The following POU6F2 variants were observed in gnomAD, a reference collection of about 807,000 sequenced individuals.
POU6F2 encodes the protein POU domain, class 6, transcription factor 2.
POU6F2 carries 31 observed loss-of-function variants against 71.3 expected under a neutral mutation model. That is an observed-to-expected ratio of 0.43 (90% confidence interval 0.33 to 0.59). The LOEUF is 0.59. Ranked by LOEUF, POU6F2 falls within the 20% of genes least tolerant of loss-of-function variation. POU6F2 has a pLI of 0.04. For synonymous variants in POU6F2, 347 were observed against 355.7 expected, an observed-to-expected ratio of 0.98 and a Z score of 0.27; for missense variants, 783 against 856.8, an observed-to-expected ratio of 0.91 and a Z score of 1.07.
chr7:39,395,396 C>T (rs1012826336), intron 5 of POU6F2, among the ~76,000 whole-genome samples: 2 of 152,196 alleles, frequency 1.3e-5, no homozygotes, highest in Admixed American at 6.5e-5. Context: ...ACTGCCCTCA[C>T]AATCAACTCT....
In POU6F2 at chr7:39,327,968, T is replaced by TGG. The variant is rs1785550369; in HGVS notation, c.599-11673_599-11672dup. Among the ~76,000 whole-genome samples the TGG allele has an allele frequency of 2.6e-5, 4 of 152,274 alleles. No individual in the cohort carries two copies. In the South Asian group the frequency reaches 8.3e-4, roughly 32 times the overall value. On this transcript the variant is annotated intron_variant, in intron 4 of 9. Coordinates refer to ENST00000518318, the MANE Select transcript of POU6F2 (RefSeq NM_001370959.1). ...CAGAGTCTTGCTCTGTCGCCCAGGC[T>TGG]GGAGTGCAGTGGCATGATCTCAGCT...
intron 1 of POU6F2, among the ~76,000 whole-genome samples, chr7:39,084,252 T>C (rs36065581): frequency 0.24 from 35,757 of 152,110 alleles, 4,410 homozygotes; most frequent in South Asian, 0.38. Context: ...CCACTGAAAA[T>C]TACCTTGTTA....
chr7:39,101,357 G>T (rs985699271), intron 2 of POU6F2, among the ~76,000 whole-genome samples: 1 of 151,996 alleles, frequency 6.6e-6, no homozygotes, highest in Non-Finnish European at 1.5e-5. Flanking sequence ...TCATAAGCGT[G>T]AGCCGCCATG....
intron 5 of POU6F2, 39 bp downstream of exon 5, chr7:39,340,054 C>G: frequency 1.9e-6 from 3 of 1,553,780 alleles, no homozygotes; most frequent in Non-Finnish European, 1.7e-6. Flanking sequence ...CTAGGAGCAC[C>G]AAGGACCTTT....
At chr7:39,120,000 C>T (rs1413789830) in intron 2 of POU6F2, among the ~76,000 whole-genome samples, 1 of 152,160 alleles carries the variant, frequency 6.6e-6, no homozygotes, top group East Asian at 1.9e-4. Flanking sequence ...AAAATAAAAT[C>T]CAAGCCAAGT....
intron 2 of POU6F2, among the ~76,000 whole-genome samples, chr7:39,199,397 C>T (rs953772921): frequency 1.3e-5 from 2 of 152,212 alleles, no homozygotes; most frequent in South Asian, 4.1e-4. Flanking sequence ...CAATTCAAAA[C>T]TCTGTGCAAG....
At chr7:39,325,176 G>T (rs1376496093) in intron 4 of POU6F2, among the ~76,000 whole-genome samples, 1 of 152,104 alleles carries the variant, frequency 6.6e-6, no homozygotes, top group Non-Finnish European at 1.5e-5. Context: ...ATCTGGCAAA[G>T]GTATATTTTT....
chr7:39,033,947 G>A (rs1562679185), intron 1 of POU6F2, among the ~76,000 whole-genome samples: 1 of 152,130 alleles, frequency 6.6e-6, no homozygotes, highest in East Asian at 1.9e-4. Context: ...GAACAGTAAG[G>A]TAAGATAAAA....
chr7:39,299,595 G>C (rs768277172), intron 4 of POU6F2, among the ~76,000 whole-genome samples: 6 of 152,230 alleles, frequency 3.9e-5, no homozygotes, highest in Non-Finnish European at 8.8e-5. Context: ...GTTGTTTCAA[G>C]TTTGATATGG....
At chr7:39,015,346 TAA>T (rs1562670026) in intron 1 of POU6F2, among the ~76,000 whole-genome samples, 5 of 134,264 alleles carry the variant, frequency 3.7e-5, no homozygotes, top group South Asian at 4.4e-4. Context: ...TAATATATAA[TAA>T]TAGATATATA....
chr7:39,428,552 T>C (rs1032133944), intron 6 of POU6F2, among the ~76,000 whole-genome samples: 9 of 152,202 alleles, frequency 5.9e-5, no homozygotes, highest in African/African-American at 1.9e-4. Context: ...TGTTGCAACC[T>C]AGGCATAGAG....
chr7:39,106,783 A>G (rs1791697605), intron 2 of POU6F2, among the ~76,000 whole-genome samples: 1 of 152,192 alleles, frequency 6.6e-6, no homozygotes, highest in South Asian at 2.1e-4. Context: ...ACAACTATGA[A>G]CAGTGTTTCA....
intron 5 of POU6F2, among the ~76,000 whole-genome samples, chr7:39,363,750 G>A (rs964211838): frequency 4.6e-5 from 7 of 151,798 alleles, no homozygotes; most frequent in African/African-American, 7.3e-5. Context: ...GTGTCAACCA[G>A]TTTGGGTAGG....
intron 4 of POU6F2, among the ~76,000 whole-genome samples, chr7:39,252,172 A>G (rs1002741538): frequency 9.9e-5 from 15 of 152,072 alleles, no homozygotes; most frequent in Admixed American, 3.3e-4. Flanking sequence ...GAGTTGACAG[A>G]CAGGGTCTGT....
chr7:39,413,912 A>G (rs1445816695), intron 6 of POU6F2, among the ~76,000 whole-genome samples: 1 of 152,170 alleles, frequency 6.6e-6, no homozygotes, highest in African/African-American at 2.4e-5. Flanking sequence ...TTTTCCCTAA[A>G]TGTGCGCTTC....
chr7:39,396,529 G>A (rs1285257847), intron 5 of POU6F2, among the ~76,000 whole-genome samples: 3 of 152,128 alleles, frequency 2.0e-5, no homozygotes, highest in Admixed American at 2.0e-4. Flanking sequence ...GTGTCCACAA[G>A]TGCTCATGGA....
chr7:39,267,463 GT>G (rs1441884712), intron 4 of POU6F2, among the ~76,000 whole-genome samples: 3 of 152,188 alleles, frequency 2.0e-5, no homozygotes, highest in Non-Finnish European at 2.9e-5. Flanking sequence ...CCCCGCATCT[GT>G]TGCCTGTCAC....
intron 1 of POU6F2, among the ~76,000 whole-genome samples, chr7:39,081,024 C>T (rs978819506): frequency 5.9e-5 from 9 of 152,030 alleles, no homozygotes; most frequent in African/African-American, 2.2e-4. Context: ...TCTTTAAAGG[C>T]TTTATGATAG....
chr7:39,190,500 C>G (rs1403168702), intron 2 of POU6F2, among the ~76,000 whole-genome samples: 1 of 138,368 alleles, frequency 7.2e-6, no homozygotes, highest in East Asian at 2.4e-4. Context: ...ATTCTAATAT[C>G]ATAGGTTTGT....
Sources: allele counts gnomAD v4.1 joint callset (sites outside exome capture counted in the v4.1 genomes callset), GRCh38; gene constraint gnomAD v4.1.1; transcripts MANE v1.5; gene names NCBI Gene and HGNC (gene_info 2026-07-23, HGNC 2026-07-21).